Variants in NLRP1 observed in about 807,000 individuals in gnomAD.
The protein encoded by NLRP1 is NLR family pyrin domain containing 1, also known as NACHT, LRR and PYD domains-containing protein 1.
In NLRP1, 94 loss-of-function variants were observed where a neutral mutation model predicts 136.7. The observed-to-expected ratio is 0.69, with a 90% CI of 0.58 to 0.82. The LOEUF is 0.82. NLRP1 is among the 40% of genes least tolerant of loss of function. NLRP1 has a pLI of 0.00. For synonymous variants in NLRP1, 690 were observed against 725.1 expected (o/e 0.95, Z 0.78); for missense variants, 1,575 against 1,802.7 (o/e 0.87, Z 2.29).
Position 5,533,322 on chromosome 17 carries a change from G to T in NLRP1, c.3115C>A (p.Pro1039Thr). 1 of 1,527,166 alleles carries T rather than the reference G, an allele frequency of 6.5e-7. No individual in the cohort carries two copies. Among genetic ancestry groups the T allele is most frequent in the Non-Finnish European group, 8.9e-7 (1 of 1,124,550 alleles). 94.6% of individuals were successfully genotyped at this position (1,527,166 alleles called of 1,614,324 possible). A position where few individuals can be genotyped will look rare whatever the true frequency, so the allele number is the denominator to read the frequency against. Reference protein sequence around the residue: ...LKLLDVSKIFPIAEIAEESSP... With the variant: ...LKLLDVSKIFTIAEIAEESSP... ...CTCTTGCCTGCAATCTCAGCAATTGGGAAGATCTTGCTCACGTCCAGGAGT... is the reference window on the plus strand; with the variant it reads ...CTCTTGCCTGCAATCTCAGCAATTGTGAAGATCTTGCTCACGTCCAGGAGT... Residue 1039 changes from proline to threonine, a missense_variant, in exon 10 of 17, where the codon CCA becomes ACA. Pro to Thr is a conservative substitution (Grantham distance 38, BLOSUM62 -1). Transcript: ENST00000572272.
intron 3 of NLRP1, among the ~76,000 whole-genome samples, chr17:5,563,695 G>A (rs1049819988): frequency 1.3e-5 from 2 of 152,182 alleles, no homozygotes; most frequent in Non-Finnish European, 2.9e-5. Flanking sequence ...CTTGGAAAAC[G>A]TATTTGAAGA....
intron 4 of NLRP1, among the ~76,000 whole-genome samples, chr17:5,556,029 G>C (rs1159037655): frequency 6.6e-6 from 1 of 152,020 alleles, no homozygotes; most frequent in Non-Finnish European, 1.5e-5. Context: ...GGGAGGCAGA[G>C]GTTGCAGTGA....
intron 12 of NLRP1, among the ~76,000 whole-genome samples, chr17:5,523,423 T>C (rs537264114): frequency 6.6e-6 from 1 of 152,374 alleles, no homozygotes; most frequent in South Asian, 2.1e-4. Context: ...TGATGTGACC[T>C]TGGCTCTGCC....
At chr17:5,565,385 T>A (rs907500540) in intron 3 of NLRP1, among the ~76,000 whole-genome samples, 22 of 152,214 alleles carry the variant, frequency 1.4e-4, no homozygotes, top group African/African-American at 5.3e-4. Flanking sequence ...TGGTTATTAA[T>A]CCCTTGTCTG....
intron 11 of NLRP1, among the ~76,000 whole-genome samples, chr17:5,532,531 G>A (rs1255141741): frequency 1.3e-5 from 2 of 152,222 alleles, no homozygotes; most frequent in Non-Finnish European, 2.9e-5. Flanking sequence ...CAGCTGAAAC[G>A]AATTTGGCAA....
At chr17:5,560,153 G>T in intron 3 of NLRP1, 110 bp from the exon 4 acceptor site, 1 of 977,538 alleles carries the variant, frequency 1.0e-6, no homozygotes, top group Non-Finnish European at 1.5e-6. Flanking sequence ...TGCGCTGTCT[G>T]CAGACACTGG....
chr17:5,553,779 A>G (rs1913682988), intron 4 of NLRP1, among the ~76,000 whole-genome samples: 1 of 151,206 alleles, frequency 6.6e-6, no homozygotes, highest in South Asian at 2.1e-4. Context: ...TTACCATAGC[A>G]CACTGAAGTG....
intron 3 of NLRP1, among the ~76,000 whole-genome samples, chr17:5,567,256 C>G (rs1915437917): frequency 6.6e-6 from 1 of 151,878 alleles, no homozygotes; most frequent in African/African-American, 2.4e-5. Context: ...TTATTCCTGT[C>G]TTCCTCTAGT....
chr17:5,576,717 T>G (rs1905055423), intron 3 of NLRP1, among the ~76,000 whole-genome samples: 1 of 151,974 alleles, frequency 6.6e-6, no homozygotes, highest in Non-Finnish European at 1.5e-5. Context: ...CTGAAACTAT[T>G]CCAATCAATA....
chr17:5,582,399 T>G (rs1157495766), intron 2 of NLRP1, among the ~76,000 whole-genome samples: 1 of 152,032 alleles, frequency 6.6e-6, no homozygotes, highest in Non-Finnish European at 1.5e-5. Flanking sequence ...ATGTCACGAG[T>G]TGGGCACCCA....
chr17:5,556,464 A>C (rs1264639174), intron 4 of NLRP1, among the ~76,000 whole-genome samples: 2 of 112,442 alleles, frequency 1.8e-5, no homozygotes, highest in Non-Finnish European at 4.0e-5. Context: ...AGACAACAAC[A>C]AACCAAAAAA....
chr17:5,549,918 G>C (rs1913121388), intron 5 of NLRP1, among the ~76,000 whole-genome samples: 1 of 152,082 alleles, frequency 6.6e-6, no homozygotes, highest in African/African-American at 2.4e-5. Flanking sequence ...AGGTGTTGAG[G>C]GTTTGTCAAA....
chr17:5,554,835 A>G (rs1303571524), intron 4 of NLRP1, among the ~76,000 whole-genome samples: 1 of 152,176 alleles, frequency 6.6e-6, no homozygotes, highest in Non-Finnish European at 1.5e-5. Context: ...CAGCCTGGGC[A>G]ACATAGTAAG....
chr17:5,553,262 C>CGGCCAGAGAA, intron 5 of NLRP1, 124 bp downstream of exon 5: 2 of 836,532 alleles, frequency 2.4e-6, no homozygotes, highest in East Asian at 5.8e-5. Flanking sequence ...AAAGTCATCC[C>CGGCCAGAGAA]GGCCAGAGAA....
At chr17:5,512,943 A>C (rs1907738773), downstream of NLRP1, among the ~76,000 whole-genome samples, 1 of 151,886 alleles carries the variant, frequency 6.6e-6, no homozygotes, top group Non-Finnish European at 1.5e-5. Flanking sequence ...AGTCCTGCCC[A>C]CCTCCTGTGT....
downstream of NLRP1, among the ~76,000 whole-genome samples, chr17:5,509,661 C>T (rs1280411843): frequency 6.6e-6 from 1 of 152,030 alleles, no homozygotes; most frequent in Non-Finnish European, 1.5e-5. Flanking sequence ...GCCAGCACGC[C>T]CAGCTCATTT....
chr17:5,527,478 G>T (rs1430137628), intron 12 of NLRP1, among the ~76,000 whole-genome samples: 8 of 152,084 alleles, frequency 5.3e-5, no homozygotes, highest in African/African-American at 1.9e-4. Context: ...GACTGGGGAG[G>T]GGTAGGGGTG....
At chr17:5,574,566 G>A (rs568288191) in intron 3 of NLRP1, among the ~76,000 whole-genome samples, 49 of 152,224 alleles carry the variant, frequency 3.2e-4, no homozygotes, top group African/African-American at 1.1e-3. Context: ...AGAAAGGTCG[G>A]GTTACCCACA....
intron 12 of NLRP1, among the ~76,000 whole-genome samples, chr17:5,522,167 T>G (rs1318455625): frequency 6.6e-6 from 1 of 152,256 alleles, no homozygotes; most frequent in African/African-American, 2.4e-5. Context: ...CAGGATTTGC[T>G]GGCACTGTAG....
Sources: gnomAD v4.1 joint callset for allele counts (sites outside exome capture counted in the v4.1 genomes callset) on GRCh38, gnomAD v4.1.1 for gene constraint, MANE v1.5 for transcripts, NCBI Gene and HGNC (gene_info 2026-07-23, HGNC 2026-07-21) for gene names.